The following TMEM87B variants were observed in gnomAD, a reference collection of about 807,000 sequenced individuals.
The protein encoded by TMEM87B is transmembrane protein 87B.
A neutral mutation model predicts 80.3 loss-of-function variants in TMEM87B; 83 were observed. That is an observed-to-expected ratio of 1.03 (90% confidence interval 0.87 to 1.24). The LOEUF (loss-of-function observed/expected upper bound fraction) is 1.24. Among genes scored for constraint, TMEM87B ranks in the 50% most tolerant of loss-of-function variants. The probability of loss-of-function intolerance (pLI) is 0.00; values close to 1 mark genes in which losing one functional copy is unlikely to be tolerated. For synonymous variants in TMEM87B, 219 were observed against 230.5 expected (o/e 0.95, Z 0.45); for missense variants, 625 against 674.4 (o/e 0.93, Z 0.81).
chr2:112,064,238 G>A lies in TMEM87B; in HGVS notation c.303G>A (p.Glu101=). The change falls in exon 3 of 19, where the codon GAG becomes GAA. Residue 101 remains glutamate (E), a synonymous_variant. Coordinates refer to ENST00000283206, the MANE Select transcript of TMEM87B (RefSeq NM_032824.3). ...TGAAGTATCATACCTGTCACAATGA[G>A]CATTCTAATCTGGAAGTAAGTAAAA... The part of the protein sequence containing the change: ...WHLKYHTCHN[E]HSNLEELFQK... 1 of 1,613,590 alleles carries A rather than the reference G, an allele frequency of 6.2e-7. No individual in the cohort carries two copies. The highest frequency in any genetic ancestry group is 1.1e-5 in the South Asian group (1 of 91,060).
chr2:112,077,939 A>G (rs192560573), intron 6 of TMEM87B, among the ~76,000 whole-genome samples: 5 of 152,354 alleles, frequency 3.3e-5, no homozygotes, highest in Admixed American at 2.0e-4. Flanking sequence ...GCAGTAGCCA[A>G]TCAGCATGTG....
At chr2:112,065,426 A>G (rs1573683215) in intron 3 of TMEM87B, among the ~76,000 whole-genome samples, 1 of 152,216 alleles carries the variant, frequency 6.6e-6, no homozygotes, top group Non-Finnish European at 1.5e-5. Flanking sequence ...CGAGAGGATC[A>G]CTTAAGCCCA....
intron 11 of TMEM87B, 92 bp downstream of exon 11, chr2:112,091,875 A>G: frequency 1.9e-6 from 2 of 1,054,532 alleles, no homozygotes; most frequent in South Asian, 1.5e-5. Context: ...AAATACAGTT[A>G]TGCATTTTTG....
chr2:112,081,128 T>C lies in TMEM87B; in HGVS notation c.654+10T>C. 1 of 1,611,362 alleles carries C rather than the reference T, an allele frequency of 6.2e-7. No individual in the cohort carries two copies. Among genetic ancestry groups the C allele is most frequent in the Non-Finnish European group, 8.5e-7 (1 of 1,179,076 alleles). On this transcript the variant is annotated intron_variant, in intron 7 of 18. Transcript: ENST00000283206. The stretch of plus-strand genomic sequence containing the variant: ...TTGGCCCCTAATGATTGTGAGTATT[T>C]CTCATCATTTTTTCCTTTTTAAAAA...
rs2104476274 is a variant in TMEM87B at position 112,081,651 on chromosome 2, C to T, written c.838+133C>T. On this transcript the variant is annotated intron_variant, in intron 8 of 18. Transcript: ENST00000283206. Reference sequence around the variant, plus strand: ...TATTATAGATGAAGAGAAGGAAAGCCAAGGAAAGAATGTCAGAGTAGGCCT... The same window carrying T: ...TATTATAGATGAAGAGAAGGAAAGCTAAGGAAAGAATGTCAGAGTAGGCCT... The T allele has an allele frequency of 7.8e-6, 6 of 772,316 alleles. No homozygotes were observed. In the South Asian group the frequency reaches 1.2e-4, roughly 15 times the overall value. 47.8% of individuals were successfully genotyped at this position (772,316 alleles called of 1,614,324 possible).
At chr2:112,115,990 C>A (rs1680012463) in intron 18 of TMEM87B, 94 bp from the exon 19 acceptor site, 2 of 875,466 alleles carry the variant, frequency 2.3e-6, no homozygotes, top group East Asian at 2.5e-5. Flanking sequence ...ATTTAGTTTC[C>A]CTAAATGTGG....
chr2:112,081,961 G>C (rs1308723795), intron 8 of TMEM87B, among the ~76,000 whole-genome samples: 2 of 152,148 alleles, frequency 1.3e-5, no homozygotes, highest in East Asian at 1.9e-4. Flanking sequence ...GGTGCCTGCA[G>C]CCTCCTTGTG....
intron 4 of TMEM87B, among the ~76,000 whole-genome samples, chr2:112,071,126 G>A (rs1678616976): frequency 6.6e-6 from 1 of 151,756 alleles, no homozygotes; most frequent in Admixed American, 6.6e-5. Flanking sequence ...GCCCGGCTGA[G>A]CATGGAACAT....
intron 8 of TMEM87B, 80 bp from the exon 9 acceptor site, chr2:112,085,925 C>A: frequency 8.7e-7 from 1 of 1,148,108 alleles, no homozygotes; most frequent in Non-Finnish European, 1.3e-6. Context: ...TAGTTATACA[C>A]AGGACATGTT....
In TMEM87B at chr2:112,107,773, T is replaced by C; in HGVS notation, c.1525-15T>C. On this transcript the variant is annotated splice_polypyrimidine_tract_variant and intron_variant, in intron 16 of 18. Transcript: ENST00000283206. ...GGTGATATTAAGCAAATGCTAAGTA[T>C]AAATATTTCTACAGGATGAAGATTT... 2 of 1,543,648 alleles carry C rather than the reference T, an allele frequency of 1.3e-6. No individual in the cohort carries two copies. Among genetic ancestry groups the C allele is most frequent in the Non-Finnish European group, 1.8e-6 (2 of 1,126,890 alleles).
chr2:112,099,663 C>T (rs1377135801), intron 14 of TMEM87B, among the ~76,000 whole-genome samples: 1 of 150,066 alleles, frequency 6.7e-6, no homozygotes, highest in East Asian at 2.0e-4. Flanking sequence ...ATGACTTGAG[C>T]CCAGGAATTC....
chr2:112,077,056 A>AT, intron 5 of TMEM87B, 136 bp from the exon 6 acceptor site: 5 of 459,400 alleles, frequency 1.1e-5, no homozygotes, highest in Non-Finnish European at 1.5e-5. Context: ...AAAAAAAAAA[A>AT]GGAAAAAATT....
At chr2:112,102,568 C>A (rs1679658999) in intron 15 of TMEM87B, among the ~76,000 whole-genome samples, 1 of 151,954 alleles carries the variant, frequency 6.6e-6, no homozygotes, top group Admixed American at 6.6e-5. Flanking sequence ...GTGGTGTGTG[C>A]CTGTAATCCC....
Position 112,077,028 on chromosome 2 carries a change from A to G in TMEM87B, c.502-164A>G, listed in dbSNP as rs377013608. On this transcript the variant is annotated intron_variant, in intron 5 of 18. Transcript: ENST00000283206. ...AGACCAGCCTGGGCAACATGGTGAG[A>G]CCCCCATCTCAAAAAAAAAAAAAAA... Among the ~76,000 whole-genome samples the G allele has an allele frequency of 4.0e-4, 49 of 121,438 alleles. No homozygotes were observed. In the East Asian group the frequency reaches 0.01, roughly 25 times the overall value. The allele number at this position is 121,438 out of a possible 152,430, so 79.7% of individuals were successfully genotyped here.
chr2:112,090,119 A>G (rs1679257221), intron 10 of TMEM87B, among the ~76,000 whole-genome samples: 1 of 152,216 alleles, frequency 6.6e-6, no homozygotes, highest in African/African-American at 2.4e-5. Context: ...AGTACATTCC[A>G]TCACTCTTTT....
At chr2:112,080,282 C>T (rs1283401758) in intron 6 of TMEM87B, among the ~76,000 whole-genome samples, 10 of 145,476 alleles carry the variant, frequency 6.9e-5, no homozygotes, top group African/African-American at 1.0e-4. Context: ...TTTTTTGAGA[C>T]GGAGTCTTGC....
At chr2:112,067,336 G>A (rs1177912334) in intron 4 of TMEM87B, among the ~76,000 whole-genome samples, 4 of 152,134 alleles carry the variant, frequency 2.6e-5, no homozygotes, top group East Asian at 1.9e-4. Flanking sequence ...GGCTGGGCGC[G>A]GTGGCTCACA....
intron 4 of TMEM87B, among the ~76,000 whole-genome samples, chr2:112,067,745 T>G (rs1158245094): frequency 1.3e-5 from 2 of 152,246 alleles, no homozygotes; most frequent in African/African-American, 2.4e-5. Context: ...TTTGCATCCA[T>G]CATCCCATCA....
At chr2:112,089,857 C>A in intron 10 of TMEM87B, 139 bp downstream of exon 10, 1 of 757,052 alleles carries the variant, frequency 1.3e-6, no homozygotes. Flanking sequence ...GGGATGTTTC[C>A]CTTTTAAAAT....
Sources: allele counts gnomAD v4.1 joint callset (sites outside exome capture counted in the v4.1 genomes callset), GRCh38; gene constraint gnomAD v4.1.1; transcripts MANE v1.5; gene names NCBI Gene and HGNC (gene_info 2026-07-23, HGNC 2026-07-21).